HSPA12A: variants seen among roughly 807,000 people sequenced by gnomAD.
The protein encoded by HSPA12A is heat shock protein family A (Hsp70) member 12A, also known as heat shock 70 kDa protein 12A.
A neutral mutation model predicts 69.2 loss-of-function variants in HSPA12A; 28 were observed. The observed-to-expected ratio is 0.40, with a 90% confidence interval of 0.30 to 0.55. The LOEUF (loss-of-function observed/expected upper bound fraction) is 0.55. HSPA12A is among the 20% of genes least tolerant of loss of function. The pLI, the probability that HSPA12A is intolerant of heterozygous loss-of-function variation, is 0.38. For missense variants in HSPA12A, 686 were observed against 900.7 expected (o/e 0.76, Z 3.05); for synonymous variants, 345 against 370.5 (o/e 0.93, Z 0.79).
Position 116,705,893 on chromosome 10 carries a change from C to T in HSPA12A, c.127-615G>A, listed in dbSNP as rs202211316. On this transcript the variant is annotated intron_variant, in intron 2 of 11. Coordinates refer to ENST00000369209, the MANE Select transcript of HSPA12A (RefSeq NM_025015.3). ...AGGTTTCCAAGCCTTTCTCTCTCTC[C>T]TTTTTTTTTTTTTTTTTTTTGAGAC... 1.9e-3 allele frequency among the ~76,000 whole-genome samples: 224 copies of T among 115,632 alleles called. 4 individuals are homozygous for T. The highest frequency in any genetic ancestry group is 6.1e-3 in the East Asian group (19 of 3,120). 75.9% of individuals were successfully genotyped at this position (115,632 alleles called of 152,430 possible).
At chr10:116,758,423 C>A (rs1312347852) in intron 2 of HSPA12A, among the ~76,000 whole-genome samples, 2 of 152,300 alleles carry the variant, frequency 1.3e-5, no homozygotes, top group Non-Finnish European at 1.5e-5. Flanking sequence ...GTCCAGAAAG[C>A]AAATGAGTTG....
upstream of HSPA12A, chr10:116,742,703 G>A (rs1851556398): frequency 1.4e-6 from 1 of 694,852 alleles, no homozygotes; most frequent in South Asian, 6.5e-5. Context: ...GGGAAGGCGG[G>A]CGCGGGGAAC....
chr10:116,756,606 C>T (rs1269065393), intron 2 of HSPA12A, among the ~76,000 whole-genome samples: 7 of 152,226 alleles, frequency 4.6e-5, no homozygotes, highest in African/African-American at 9.6e-5. Flanking sequence ...GGCCTGCAGC[C>T]GCCTCTCAGC....
At chr10:116,816,367 C>T (rs1026746526) in intron 2 of HSPA12A, among the ~76,000 whole-genome samples, 5 of 152,242 alleles carry the variant, frequency 3.3e-5, no homozygotes, top group Admixed American at 1.3e-4. Context: ...TCTGGCACCC[C>T]GCATACGGGG....
At chr10:116,777,783 A>G (rs1304870500) in intron 2 of HSPA12A, among the ~76,000 whole-genome samples, 1 of 152,246 alleles carries the variant, frequency 6.6e-6, no homozygotes, top group Non-Finnish European at 1.5e-5. Context: ...GCTGGAGTAC[A>G]GTGGCGCAAT....
At chr10:116,679,015 C>T (rs1303578732) in intron 10 of HSPA12A, among the ~76,000 whole-genome samples, 9 of 151,448 alleles carry the variant, frequency 5.9e-5, no homozygotes, top group African/African-American at 2.2e-4. Flanking sequence ...CGGCTTTAAA[C>T]CGTCTTCTAA....
chr10:116,804,472 C>A (rs1030547103), intron 2 of HSPA12A, among the ~76,000 whole-genome samples: 1 of 152,096 alleles, frequency 6.6e-6, no homozygotes, highest in African/African-American at 2.4e-5. Context: ...GTATACCCTC[C>A]CCGAGTCCCT....
chr10:116,787,567 G>T (rs569356099), intron 2 of HSPA12A, among the ~76,000 whole-genome samples: 1 of 151,924 alleles, frequency 6.6e-6, no homozygotes, highest in East Asian at 1.9e-4. Context: ...ACAGGCGTCT[G>T]TATTTTTATA....
chr10:116,732,863 T>C (rs1554886006), intron 1 of HSPA12A, among the ~76,000 whole-genome samples: 6 of 152,178 alleles, frequency 3.9e-5, no homozygotes, highest in East Asian at 3.9e-4. Context: ...CTGGAAAGCA[T>C]GCAGAGGGAG....
At chr10:116,788,189 C>G (rs564390907) in intron 2 of HSPA12A, among the ~76,000 whole-genome samples, 3 of 152,118 alleles carry the variant, frequency 2.0e-5, no homozygotes, top group Non-Finnish European at 4.4e-5. Flanking sequence ...AAATTCTAGA[C>G]CCCCGCAAAC....
rs192863689 is a variant in HSPA12A at position 116,775,095 on chromosome 10, C to T, written c.91+59840G>A. Among the ~76,000 whole-genome samples, 629 of 152,250 alleles carry T rather than the reference C, an allele frequency of 4.1e-3. 2 individuals are homozygous for T. Among genetic ancestry groups the T allele is most frequent in the Non-Finnish European group, 4.9e-3 (332 of 67,980 alleles). On this transcript the variant is annotated intron_variant, in intron 2 of 12. Coordinates refer to the HSPA12A transcript ENST00000635765. ...TTAGTGTCCTCCCAGACACCTGGCA[C>T]AGGTGCCCCCAAGGGATTGGGCCAG...
intron 1 of HSPA12A, among the ~76,000 whole-genome samples, chr10:116,724,080 C>G (rs1474449134): frequency 6.6e-6 from 1 of 152,186 alleles, no homozygotes; most frequent in African/African-American, 2.4e-5. Flanking sequence ...AGCCCTGCAC[C>G]TGGGGAGGGC....
rs532759824 is a variant in HSPA12A, at chr10:116,688,227, G to A, written c.663+4124C>T. On this transcript the variant is annotated intron_variant, in intron 6 of 11. Coordinates refer to ENST00000369209, the MANE Select transcript of HSPA12A (RefSeq NM_025015.3). ...GGTGTTCAGGAGGTAGCTGCTGAAC[G>A]AATGGACCCACCAGCCCTCCAGCCA... Among the ~76,000 whole-genome samples, 84 of 152,252 alleles carry A rather than the reference G, an allele frequency of 5.5e-4. 1 individual carries two copies. The highest frequency in any genetic ancestry group is 2.0e-3 in the African/African-American group (83 of 41,542).
intron 2 of HSPA12A, among the ~76,000 whole-genome samples, chr10:116,811,160 G>C (rs552733708): frequency 6.6e-6 from 1 of 152,224 alleles, no homozygotes; most frequent in South Asian, 2.1e-4. Context: ...GAAGACAGAG[G>C]CCACCACTTG....
At position 116,681,901 on chromosome 10, in the gene HSPA12A, G is replaced by C. The variant is rs1554878682; in HGVS notation, c.836-24C>G. The C allele has an allele frequency of 1.9e-6, 3 of 1,605,134 alleles. No homozygotes were observed. In the African/African-American group the frequency reaches 4.0e-5, roughly 21 times the overall value. ...AGCTAGTGGCCGACAGAAAGAAAATGATGACGGGTAAGAAAGCATGAAAAA... is the reference window on the plus strand; with the variant it reads ...AGCTAGTGGCCGACAGAAAGAAAATCATGACGGGTAAGAAAGCATGAAAAA... On this transcript the variant is annotated intron_variant, in intron 7 of 11. Coordinates refer to ENST00000369209, the MANE Select transcript of HSPA12A (RefSeq NM_025015.3).
In HSPA12A at chr10:116,742,546, G is replaced by T; in HGVS notation, c.-77C>A. The T allele has an allele frequency of 8.5e-7, 1 of 1,176,066 alleles. No individual in the cohort carries two copies. The highest frequency in any genetic ancestry group is 1.1e-6 in the Non-Finnish European group (1 of 952,332). 72.9% of individuals were successfully genotyped at this position (1,176,066 alleles called of 1,614,324 possible). A position where few individuals can be genotyped will look rare whatever the true frequency, so the allele number is the denominator to read the frequency against. On this transcript the variant is annotated 5_prime_UTR_variant, in exon 1 of 12. Transcript: ENST00000369209. ...CGTGCGGGTCTCTGTCCGCGTCCGC[G>T]GCGGCGCTCGGGCCGTGTCTGAGCC...
At chr10:116,682,458 G>GC (rs1564774789) in intron 7 of HSPA12A, among the ~76,000 whole-genome samples, 1 of 151,484 alleles carries the variant, frequency 6.6e-6, no homozygotes, top group South Asian at 2.1e-4. Context: ...AATAGACTGG[G>GC]GGGGGGGGCC....
rs1057257633 is a variant in HSPA12A, at chr10:116,672,319, G to A, written c.*2462C>T. On this transcript the variant is annotated 3_prime_UTR_variant, in exon 12 of 12. Coordinates refer to ENST00000369209, the MANE Select transcript of HSPA12A (RefSeq NM_025015.3). ...CACAAAGGGTTTCTTAGGTTGTTCTGCGCAGTCACATGGCTTCCAGAACCA... is the reference window on the plus strand; with the variant it reads ...CACAAAGGGTTTCTTAGGTTGTTCTACGCAGTCACATGGCTTCCAGAACCA... The A allele has an allele frequency of 6.6e-6, 1 of 152,222 alleles. No individual in the cohort carries two copies. The highest frequency in any genetic ancestry group is 6.5e-5 in the Admixed American group (1 of 15,284). The allele number at this position is 152,222 out of a possible 1,614,324, so 9.4% of individuals were successfully genotyped here.
Position 116,675,239 on chromosome 10 carries a change from C to A in HSPA12A, c.1570G>T (p.Asp524Tyr), listed in dbSNP as rs202107187. ...ILKGAVLFGL[D>Y]PAVIKVRRSP... ...CGGCGCACCTTGATGACCGCGGGGT[C>A]CAGGCCAAAGAGGACGGCACCCTTG... Residue 524 changes from aspartate (D) to tyrosine (Y), a missense_variant, in exon 12 of 12, where the codon GAC becomes TAC. Coordinates refer to ENST00000369209, the MANE Select transcript of HSPA12A (RefSeq NM_025015.3). This position sits in a 1 kb window ranked among gnomAD's most constrained non-coding sequence, Gnocchi z 5.2. 376 of 1,613,604 alleles carry A rather than the reference C, an allele frequency of 2.3e-4. No individual in the cohort carries two copies. The highest frequency in any genetic ancestry group is 3.0e-4 in the Non-Finnish European group (351 of 1,180,042).
Sources: gnomAD v4.1 joint callset for allele counts (sites outside exome capture counted in the v4.1 genomes callset) on GRCh38, gnomAD v4.1.1 for gene constraint, Gnocchi (gnomAD v3.1) non-coding constraint, MANE v1.5 for transcripts, NCBI Gene and HGNC (gene_info 2026-07-23, HGNC 2026-07-21) for gene names.